The following NBN variants were observed in gnomAD, a reference collection of about 807,000 sequenced individuals.
NBN encodes Nijmegen breakage syndrome 1 (nibrin).
In NBN, 88 loss-of-function variants were observed where a neutral mutation model predicts 90.8. That is an observed-to-expected ratio of 0.97 (90% CI 0.82 to 1.16). The LOEUF is 1.16. Among genes scored for constraint, NBN ranks in the 50% most tolerant of loss-of-function variants. NBN has a pLI of 0.00. For synonymous variants in NBN, 328 were observed against 295.1 expected, an observed-to-expected ratio of 1.11 and a Z score of -1.14; for missense variants, 894 against 869.6, an observed-to-expected ratio of 1.03 and a Z score of -0.35.
chr8:89,975,573 T>C lies in NBN; in HGVS notation c.584+2647A>G, dbSNP rs143958727. ...ATCGAATATGGGTTAATAGGATAAATAACCTGTCCCAGTTAACACCGAATT... is the reference window on the plus strand; with the variant it reads ...ATCGAATATGGGTTAATAGGATAAACAACCTGTCCCAGTTAACACCGAATT... On this transcript the variant is annotated intron_variant, in intron 5 of 15. Coordinates refer to ENST00000265433, the MANE Select transcript of NBN (RefSeq NM_002485.5). Among the ~76,000 whole-genome samples the C allele has an allele frequency of 8.9e-3, 1,363 of 152,318 alleles. 21 individuals carry two copies. The highest frequency in any genetic ancestry group is 0.032 in the African/African-American group (1,318 of 41,570).
intron 1 of NBN, among the ~76,000 whole-genome samples, chr8:89,983,703 T>C (rs969441619): frequency 6.6e-6 from 1 of 152,194 alleles, no homozygotes; most frequent in African/African-American, 2.4e-5. Context: ...AGTATATATA[T>C]TGGAGACATG....
intron 5 of NBN, among the ~76,000 whole-genome samples, chr8:89,972,722 A>C (rs1429060384): frequency 2.0e-5 from 3 of 152,220 alleles, no homozygotes; most frequent in African/African-American, 7.2e-5. Context: ...ACAAATAACT[A>C]GTTTACCAAT....
intron 5 of NBN, among the ~76,000 whole-genome samples, chr8:89,972,881 G>A (rs1169695478): frequency 2.6e-5 from 4 of 152,170 alleles, no homozygotes; most frequent in Non-Finnish European, 5.9e-5. Context: ...GATTCTTCCT[G>A]CTTTCCCAAA....
Position 89,953,385 on chromosome 8 carries a change from C to T in NBN, c.1704G>A (p.Lys568=), listed in dbSNP as rs1810534713. The T allele has an allele frequency of 1.2e-6, 2 of 1,613,640 alleles. No individual in the cohort carries two copies. Among genetic ancestry groups the T allele is most frequent in the Non-Finnish European group, 1.7e-6 (2 of 1,179,774 alleles). The change falls in exon 11 of 16, where the codon AAG becomes AAA. Residue 568 remains lysine (K), a synonymous_variant. Coordinates refer to ENST00000265433, the MANE Select transcript of NBN (RefSeq NM_002485.5). ...CAATTTCTAACTCTGGTTTTGTGTC[C>T]TTGAATAACTGTTCCAATACTTCAT... The part of the protein sequence containing the change: ...IEDEVLEQLF[K]DTKPELEIDV...
Position 89,958,739 on chromosome 8 carries a change from C to T in NBN, c.1110G>A (p.Glu370=), listed in dbSNP as rs1586065611. 1 of 1,614,040 alleles carries T rather than the reference C, an allele frequency of 6.2e-7. No homozygotes were observed. The highest frequency in any genetic ancestry group is 1.1e-5 in the South Asian group (1 of 91,082). Residue 370 remains glutamate, a synonymous_variant, in exon 9 of 16, where the codon GAG becomes GAA. Transcript: ENST00000265433. ...AGAAGCTTTACCATGTATCTGCTTGCTCTGATTCTGTGTCAGCTACGTATG... is the reference window on the plus strand; with the variant it reads ...AGAAGCTTTACCATGTATCTGCTTGTTCTGATTCTGTGTCAGCTACGTATG... ...TTTYVADTES[E]QADTWDLSER...
At chr8:89,961,802 T>C (rs947354476) in intron 8 of NBN, among the ~76,000 whole-genome samples, 4 of 152,220 alleles carry the variant, frequency 2.6e-5, no homozygotes, top group East Asian at 1.9e-4. Flanking sequence ...GAGAAGGTAA[T>C]TGAATAGTGG....
rs1809553602 is a variant in NBN, at chr8:89,934,055, G to A, written c.*1527C>T. The A allele has an allele frequency of 1.3e-5, 3 of 230,258 alleles. No individual in the cohort carries two copies. The highest frequency in any genetic ancestry group is 5.6e-5 in the Admixed American group (1 of 17,712). 14.3% of individuals were successfully genotyped at this position (230,258 alleles called of 1,614,324 possible). A position where few individuals can be genotyped will look rare whatever the true frequency, so the allele number is the denominator to read the frequency against. The stretch of plus-strand genomic sequence containing the variant: ...GACAAATATAAAAACTGCTATAGTA[G>A]GGCAGTCTTCCTTAGAAAGGGATTG... On this transcript the variant is annotated 3_prime_UTR_variant, in exon 16 of 16. Coordinates refer to ENST00000265433, the MANE Select transcript of NBN (RefSeq NM_002485.5).
At chr8:89,979,278 C>A (rs546222598) in intron 4 of NBN, among the ~76,000 whole-genome samples, 1 of 152,322 alleles carries the variant, frequency 6.6e-6, no homozygotes, top group African/African-American at 2.4e-5. Context: ...TGCACCCAGC[C>A]ATGAATATGC....
intron 11 of NBN, among the ~76,000 whole-genome samples, chr8:89,950,066 C>A (rs1177475822): frequency 1.3e-5 from 2 of 152,198 alleles, no homozygotes; most frequent in Admixed American, 1.3e-4. Context: ...GGGTTCGCTG[C>A]ATGTGGACAA....
intron 8 of NBN, among the ~76,000 whole-genome samples, chr8:89,963,730 T>C (rs1811109077): frequency 6.6e-6 from 1 of 152,200 alleles, no homozygotes; most frequent in African/African-American, 2.4e-5. Flanking sequence ...GCTAGGAAAC[T>C]AGGAGTTGTT....
rs1205677351 is a variant in NBN, at chr8:89,934,439, C to T, written c.*1143G>A. The T allele has an allele frequency of 8.6e-6, 2 of 233,010 alleles. No homozygotes were observed. Among genetic ancestry groups the T allele is most frequent in the Non-Finnish European group, 1.7e-5 (2 of 117,970 alleles). The allele number at this position is 233,010 out of a possible 1,614,324, so 14.4% of individuals were successfully genotyped here. ...CTTCATTTCCCTAACTCCCTTGCAG[C>T]TGGAGTTCCACCTGCAAGCAGCCAG... On this transcript the variant is annotated 3_prime_UTR_variant, in exon 16 of 16. Transcript: ENST00000265433.
rs1467034784 is a variant in NBN, at chr8:89,953,303, C to G, written c.1786G>C (p.Asp596His). ...CTGAAAGTGTCATTTGTTTCTATAT[C>G]CATCCTTGGCCTTTTTCTAACATTG... ...DVNVRKRPRMDIETNDTFSDE... is the reference protein window; with the variant it reads ...DVNVRKRPRMHIETNDTFSDE... Residue 596 changes from aspartate to histidine, a missense_variant, in exon 11 of 16, where the codon GAT (aspartate) becomes CAT (histidine). Asp to His is a moderately conservative substitution (Grantham distance 81, BLOSUM62 -1). Transcript: ENST00000265433. 6.2e-7 allele frequency: 1 copy of G among 1,613,254 alleles called. No individual in the cohort carries two copies. Among genetic ancestry groups the G allele is most frequent in the South Asian group, 1.1e-5 (1 of 91,060 alleles).
intron 4 of NBN, 143 bp downstream of exon 4, chr8:89,980,591 A>T: frequency 3.0e-6 from 2 of 667,748 alleles, no homozygotes; most frequent in Non-Finnish European, 2.5e-6. Context: ...TAAATGGTAT[A>T]CAAAGGGATG....
rs1250768172 is a variant in NBN at position 89,978,474 on chromosome 8, T to C, written c.481-151A>G. On this transcript the variant is annotated intron_variant, in intron 4 of 15. Transcript: ENST00000265433. ...CTCTAAATTTATAAAGAAGCCACAATCTATAAAATAGAAGTCGGTCTTTGG... is the reference window on the plus strand; with the variant it reads ...CTCTAAATTTATAAAGAAGCCACAACCTATAAAATAGAAGTCGGTCTTTGG... 6.3e-6 allele frequency: 4 copies of C among 630,962 alleles called. No individual in the cohort carries two copies. The Admixed American group carries it at 1.2e-4, about 19-fold the overall frequency. The allele number at this position is 630,962 out of a possible 1,614,324, so 39.1% of individuals were successfully genotyped here.
At position 89,984,552 on chromosome 8, in the gene NBN, G is replaced by C. The variant is rs1426394881; in HGVS notation, c.10C>G (p.Leu4Val). 1 of 1,613,256 alleles carries C rather than the reference G, an allele frequency of 6.2e-7. No homozygotes were observed. The highest frequency in any genetic ancestry group is 8.5e-7 in the Non-Finnish European group (1 of 1,179,814). The change falls in exon 1 of 16, where the codon CTG becomes GTG. Residue 4 changes from leucine (L) to valine (V), a missense_variant. By Grantham distance (32) the Leu-to-Val change is conservative (BLOSUM62 1). Coordinates refer to ENST00000265433, the MANE Select transcript of NBN (RefSeq NM_002485.5). ...CCTGCCGGGCCCGCGGCGGGCAGCA[G>C]TTTCCACATCGGTCCGGCTCCTCAG... MWK[L>V]LPAAGPAGGE...
At position 89,964,474 on chromosome 8, in the gene NBN, A is replaced by T. The variant is rs142813526; in HGVS notation, c.930T>A (p.Ile310=). The part of the protein sequence containing the change: ...QGLRPIPEAE[I]GLAVIFMTTK... ...TAGTCATGAAAATCACCGCCAATCC[A>T]ATTTCTGCTTCAGGAATAGGTCTAA... The change falls in exon 8 of 16, where the codon ATT becomes ATA. Residue 310 remains isoleucine (I), a synonymous_variant. Coordinates refer to ENST00000265433, the MANE Select transcript of NBN (RefSeq NM_002485.5). 9.7e-5 allele frequency: 156 copies of T among 1,609,660 alleles called. No individual in the cohort carries two copies. Among genetic ancestry groups the T allele is most frequent in the Non-Finnish European group, 1.3e-4 (149 of 1,176,136 alleles).
chr8:89,955,987 T>A (rs1210433172), intron 9 of NBN, among the ~76,000 whole-genome samples: 1 of 151,532 alleles, frequency 6.6e-6, no homozygotes, highest in African/African-American at 2.4e-5. Flanking sequence ...AAATGGAAAA[T>A]CAGAATAAAA....
intron 14 of NBN, among the ~76,000 whole-genome samples, chr8:89,942,318 G>C (rs1481297239): frequency 6.6e-6 from 1 of 152,110 alleles, no homozygotes; most frequent in Non-Finnish European, 1.5e-5. Context: ...GTGATTCAAA[G>C]AATCACAAGG....
intron 8 of NBN, among the ~76,000 whole-genome samples, chr8:89,961,280 GC>G (rs1810981114): frequency 6.6e-6 from 1 of 152,118 alleles, no homozygotes; most frequent in Non-Finnish European, 1.5e-5. Flanking sequence ...TGTACCAATA[GC>G]TTAGTTCAAT....
Sources: allele counts gnomAD v4.1 joint callset (sites outside exome capture counted in the v4.1 genomes callset), GRCh38; gene constraint gnomAD v4.1.1; transcripts MANE v1.5; gene names NCBI Gene and HGNC (gene_info 2026-07-23, HGNC 2026-07-21).